Variants in DIAPH2 observed in about 807,000 individuals in gnomAD.
DIAPH2 encodes protein diaphanous homolog 2.
A neutral mutation model predicts 92.7 loss-of-function variants in DIAPH2; 35 were observed. That is an observed-to-expected ratio of 0.38 (90% CI 0.29 to 0.50). DIAPH2 has a LOEUF of 0.50. DIAPH2 is among the 20% of genes least tolerant of loss of function. The pLI is 0.94. For synonymous variants in DIAPH2, 301 were observed against 280.4 expected, an observed-to-expected ratio of 1.07 and a Z score of -0.73; for missense variants, 701 against 819.5, an observed-to-expected ratio of 0.86 and a Z score of 1.77.
chrX:97,515,073 G>A (rs1277132000), intron 26 of DIAPH2, among the ~76,000 whole-genome samples: 3 of 111,739 alleles, frequency 2.7e-5, no homozygotes, highest in African/African-American at 9.7e-5. Context: ...GTTTACCTAA[G>A]CAAGCCTGGG....
At chrX:97,293,047 G>C (rs1480038955) in intron 23 of DIAPH2, among the ~76,000 whole-genome samples, 3 of 109,991 alleles carry the variant, frequency 2.7e-5, no homozygotes, top group African/African-American at 9.9e-5. Context: ...AGAGGAGAAT[G>C]AATAATAACA....
At chrX:96,897,395 G>A (rs1005693670) in intron 5 of DIAPH2, among the ~76,000 whole-genome samples, 24 of 110,117 alleles carry the variant, frequency 2.2e-4, no homozygotes, top group African/African-American at 7.6e-4. Flanking sequence ...TGAATTTATA[G>A]ATAGCTTTTT....
intron 25 of DIAPH2, among the ~76,000 whole-genome samples, chrX:97,408,807 T>A (rs772516012): frequency 8.9e-5 from 10 of 111,836 alleles, no homozygotes; most frequent in Non-Finnish European, 1.9e-4. Context: ...CTTTCCAAAA[T>A]TAAGCACATG....
intron 4 of DIAPH2, among the ~76,000 whole-genome samples, chrX:96,788,723 G>A (rs1483947919): frequency 8.9e-6 from 1 of 111,943 alleles, no homozygotes; most frequent in Non-Finnish European, 1.9e-5. Flanking sequence ...AGTACTGTAA[G>A]CCCCTTTATA....
chrX:96,732,607 C>T lies in DIAPH2; in HGVS notation c.133-3151C>T, dbSNP rs140036440. Among the ~76,000 whole-genome samples, 362 of 111,883 alleles carry T rather than the reference C, an allele frequency of 3.2e-3. 1 individual carries two copies. Among genetic ancestry groups the T allele is most frequent in the African/African-American group, 0.011 (350 of 30,856 alleles). ...TTTTTCTTTATGTTTCTCTATCACA[C>T]GTAATTAGGATAATTTTTTACATAA... On this transcript the variant is annotated intron_variant, in intron 1 of 26. Coordinates refer to ENST00000324765, the MANE Select transcript of DIAPH2 (RefSeq NM_006729.5).
At chrX:96,711,968 C>T (rs1424623772) in intron 1 of DIAPH2, among the ~76,000 whole-genome samples, 1 of 111,399 alleles carries the variant, frequency 9.0e-6, no homozygotes, top group Non-Finnish European at 1.9e-5. Flanking sequence ...ATATCCTTGG[C>T]AAACTAAAGT....
intron 25 of DIAPH2, among the ~76,000 whole-genome samples, chrX:97,409,860 G>A (rs908977681): frequency 8.9e-6 from 1 of 112,800 alleles, no homozygotes; most frequent in Non-Finnish European, 1.9e-5. Context: ...GATAAACAAA[G>A]TGGCTGGGGA....
chrX:97,242,403 G>A (rs898093415), intron 22 of DIAPH2, among the ~76,000 whole-genome samples: 1 of 106,685 alleles, frequency 9.4e-6, no homozygotes, highest in Admixed American at 1.0e-4. Context: ...TCACTCTGTC[G>A]CCCAGGCTGG....
rs185619923 is a variant in DIAPH2 at position 96,849,982 on chromosome X, A to G, written c.448-31597A>G. On this transcript the variant is annotated intron_variant, in intron 4 of 26. Coordinates refer to ENST00000324765, the MANE Select transcript of DIAPH2 (RefSeq NM_006729.5). Reference sequence around the variant, plus strand: ...GACTTTTTTTTTTTAATTTGACACCAAAGGGATTCATATATGACATCTGTT... The same window carrying G: ...GACTTTTTTTTTTTAATTTGACACCGAAGGGATTCATATATGACATCTGTT... 6.3e-3 allele frequency among the ~76,000 whole-genome samples: 699 copies of G among 110,975 alleles called. 12 individuals carry two copies. Among genetic ancestry groups the G allele is most frequent in the African/African-American group, 0.022 (663 of 30,551 alleles).
At chrX:96,909,585 C>T (rs761210243) in intron 5 of DIAPH2, among the ~76,000 whole-genome samples, 2 of 110,924 alleles carry the variant, frequency 1.8e-5, no homozygotes, top group South Asian at 7.8e-4. Context: ...ATTTTATCCC[C>T]TTAGCAACGG....
At position 97,132,996 on chromosome X, in the gene DIAPH2, G is replaced by A. The variant is rs770984336; in HGVS notation, c.2590-8669G>A. ...CATTCATGTAAATCCAAAAGGAAAG[G>A]GGGGAGATCCAAAAGGGCTTCCTTC... On this transcript the variant is annotated intron_variant, in intron 21 of 26. Coordinates refer to ENST00000324765, the MANE Select transcript of DIAPH2 (RefSeq NM_006729.5). Among the ~76,000 whole-genome samples the A allele has an allele frequency of 6.3e-5, 7 of 111,496 alleles. No individual in the cohort carries two copies. The East Asian group carries it at 2.0e-3, about 32-fold the overall frequency.
intron 24 of DIAPH2, among the ~76,000 whole-genome samples, chrX:97,358,390 C>T (rs1671635679): frequency 3.6e-5 from 4 of 111,138 alleles, no homozygotes; most frequent in Non-Finnish European, 7.5e-5. Context: ...GTTAACCATC[C>T]TACAATGGAC....
intron 25 of DIAPH2, among the ~76,000 whole-genome samples, chrX:97,399,792 A>G (rs1313156088): frequency 8.9e-6 from 1 of 112,411 alleles, no homozygotes; most frequent in African/African-American, 3.2e-5. Context: ...CTTTCATTAC[A>G]TTTCTGAAAA....
chrX:97,250,456 G>A (rs2068179778), intron 23 of DIAPH2, among the ~76,000 whole-genome samples: 1 of 111,739 alleles, frequency 8.9e-6, no homozygotes, highest in South Asian at 3.8e-4. Context: ...ATGTCCTGGA[G>A]CACCCTATAT....
At chrX:96,968,154 T>G in intron 17 of DIAPH2, among the ~76,000 whole-genome samples, 1 of 110,846 alleles carries the variant, frequency 9.0e-6, no homozygotes, top group African/African-American at 3.3e-5. Flanking sequence ...CCCTGATGAT[T>G]AGTGTTATGA....
At chrX:97,195,692 C>A (rs2067696919) in intron 22 of DIAPH2, among the ~76,000 whole-genome samples, 1 of 105,308 alleles carries the variant, frequency 9.5e-6, no homozygotes, top group African/African-American at 3.5e-5. Flanking sequence ...GGATAGATTG[C>A]TAATAAATGG....
chrX:96,969,550 A>G (rs1449706267), intron 17 of DIAPH2, among the ~76,000 whole-genome samples: 4 of 108,830 alleles, frequency 3.7e-5, no homozygotes, highest in African/African-American at 1.0e-4. Flanking sequence ...AGTTATTAGT[A>G]TGTAGAAATG....
intron 26 of DIAPH2, among the ~76,000 whole-genome samples, chrX:97,583,410 C>T (rs2071455256): frequency 9.1e-6 from 1 of 110,043 alleles, no homozygotes; most frequent in African/African-American, 3.3e-5. Flanking sequence ...CCCTCAGCTG[C>T]AGGTCTGTTG....
At chrX:96,779,198 A>T (rs935628043) in intron 4 of DIAPH2, among the ~76,000 whole-genome samples, 16 of 111,876 alleles carry the variant, frequency 1.4e-4, no homozygotes, top group Non-Finnish European at 3.0e-4. Flanking sequence ...ACCTTCTTTG[A>T]CTTTTTAAAA....
Sources: gnomAD v4.1 joint callset for allele counts (sites outside exome capture counted in the v4.1 genomes callset) on GRCh38, gnomAD v4.1.1 for gene constraint, MANE v1.5 for transcripts, NCBI Gene and HGNC (gene_info 2026-07-23, HGNC 2026-07-21) for gene names.